HYKK: variants seen among roughly 807,000 people sequenced by gnomAD.
HYKK encodes the protein hydroxylysine kinase, also known as 5-hydroxy-L-lysine kinase.
HYKK carries 19 observed loss-of-function variants against 29.7 expected under a neutral mutation model. That is an observed-to-expected ratio of 0.64 (90% CI 0.45 to 0.94). The LOEUF (loss-of-function observed/expected upper bound fraction) is 0.94. Among genes scored for constraint, HYKK ranks in the 40% least tolerant of loss-of-function variants. The probability of loss-of-function intolerance (pLI) is 0.00; values close to 1 mark genes in which losing one functional copy is unlikely to be tolerated. For synonymous variants in HYKK, 152 were observed against 158.1 expected, an observed-to-expected ratio of 0.96 and a Z score of 0.29; for missense variants, 390 against 443.4, an observed-to-expected ratio of 0.88 and a Z score of 1.08.
rs1276494889 is a variant in HYKK, at chr15:78,534,233, T to C, written c.*563T>C. On this transcript the variant is annotated 3_prime_UTR_variant, in exon 5 of 5. Coordinates refer to ENST00000388988, the MANE Select transcript of HYKK (RefSeq NM_001013619.4). ...AGACCATGTAAAACTTATTTTTGTC[T>C]CCTCAGCCCTTCTTTTTTTTTTTTT... 6.8e-6 allele frequency: 1 copy of C among 147,574 alleles called. No homozygotes were observed. The highest frequency in any genetic ancestry group is 1.5e-5 in the Non-Finnish European group (1 of 67,270). 9.1% of individuals were successfully genotyped at this position (147,574 alleles called of 1,614,324 possible). A position where few individuals can be genotyped will look rare whatever the true frequency, so the allele number is the denominator to read the frequency against.
At chr15:78,522,422 G>A (rs1466134744) in intron 3 of HYKK, among the ~76,000 whole-genome samples, 2 of 151,794 alleles carry the variant, frequency 1.3e-5, no homozygotes, top group African/African-American at 4.8e-5. Context: ...AGCTGGGTGT[G>A]GTGGTGTGTG....
chr15:78,517,109 C>CTTTTTTTTTTTT (rs34680285), intron 3 of HYKK, among the ~76,000 whole-genome samples: 6 of 108,404 alleles, frequency 5.5e-5, no homozygotes, highest in East Asian at 2.4e-4. Flanking sequence ...TTCTTTCTTT[C>CTTTTTTTTTTTT]TTTTTTTTTT....
intron 3 of HYKK, among the ~76,000 whole-genome samples, chr15:78,524,276 T>G (rs2052227010): frequency 6.6e-6 from 1 of 152,254 alleles, no homozygotes; most frequent in Non-Finnish European, 1.5e-5. Context: ...ACCCACATGC[T>G]TAACACCACT....
intron 3 of HYKK, among the ~76,000 whole-genome samples, chr15:78,522,853 TG>T (rs1309347006): frequency 6.6e-6 from 1 of 151,340 alleles, no homozygotes; most frequent in Non-Finnish European, 1.5e-5. Context: ...GACTCCAGCC[TG>T]GGCAACAGAG....
At chr15:78,509,673 A>G (rs867239063) in intron 1 of HYKK, among the ~76,000 whole-genome samples, 4 of 152,336 alleles carry the variant, frequency 2.6e-5, no homozygotes, top group Middle Eastern at 3.4e-3. Flanking sequence ...TACTTACCTT[A>G]TACCAGTTTA....
chr15:78,530,057 A>T (rs760881060), intron 4 of HYKK, among the ~76,000 whole-genome samples: 2 of 151,944 alleles, frequency 1.3e-5, no homozygotes, highest in Non-Finnish European at 2.9e-5. Context: ...ACTGGCCTCA[A>T]ACTCCTGGGC....
intron 3 of HYKK, among the ~76,000 whole-genome samples, chr15:78,518,429 C>T (rs1434204013): frequency 6.6e-6 from 1 of 152,318 alleles, no homozygotes; most frequent in East Asian, 1.9e-4. Context: ...CCCACCTTGG[C>T]TTCCCAAAGT....
At chr15:78,523,649 T>C (rs2052220634) in intron 3 of HYKK, among the ~76,000 whole-genome samples, 1 of 152,212 alleles carries the variant, frequency 6.6e-6, no homozygotes, top group Admixed American at 6.5e-5. Flanking sequence ...AAGTCTCACC[T>C]GAGACAAGAC....
chr15:78,507,737 C>T (rs2052027790), intron 1 of HYKK, 66 bp downstream of exon 1: 1 of 152,360 alleles, frequency 6.6e-6, no homozygotes, highest in Non-Finnish European at 1.5e-5. Flanking sequence ...GGGTCGCCCC[C>T]GAGGGCAGGG....
intron 1 of HYKK, among the ~76,000 whole-genome samples, chr15:78,512,564 G>C (rs145748632): frequency 1.3e-5 from 2 of 151,784 alleles, no homozygotes; most frequent in East Asian, 3.9e-4. Context: ...ACCACGCCCA[G>C]CCAATTTTTG....
At chr15:78,509,071 C>T (rs781515840) in intron 1 of HYKK, among the ~76,000 whole-genome samples, 1 of 151,874 alleles carries the variant, frequency 6.6e-6, no homozygotes, top group Non-Finnish European at 1.5e-5. Context: ...AATTCCCCTC[C>T]ATACAAAGGA....
chr15:78,525,890 A>G (rs950804632), intron 3 of HYKK, among the ~76,000 whole-genome samples: 1 of 152,236 alleles, frequency 6.6e-6, no homozygotes, highest in African/African-American at 2.4e-5. Flanking sequence ...GTGTGCCTGT[A>G]TACTGGGGTT....
chr15:78,522,144 T>C (rs2141359527), intron 3 of HYKK, among the ~76,000 whole-genome samples: 1 of 152,208 alleles, frequency 6.6e-6, no homozygotes, highest in South Asian at 2.1e-4. Context: ...ATAATAAATA[T>C]GCACAGTTAA....
In HYKK at chr15:78,527,413, C is replaced by T. The variant is rs761538363; in HGVS notation, c.511C>T (p.Arg171Trp). ...FHHPKLSSLH[R>W]ENFIWNLKNV... ...TCACCCAAAGTTAAGTAGTCTTCAT[C>T]GGGAGAACTTCATCTGGAATCTGAA... is the stretch of plus-strand genomic sequence containing the variant. Residue 171 changes from arginine to tryptophan, a missense_variant, in exon 4 of 5, where the codon CGG (arginine) becomes TGG (tryptophan). By Grantham distance (101) the Arg-to-Trp change is moderately radical. Transcript: ENST00000388988. 5.0e-6 allele frequency: 8 copies of T among 1,613,792 alleles called. No individual in the cohort carries two copies. Among genetic ancestry groups the T allele is most frequent in the South Asian group, 4.4e-5 (4 of 91,072 alleles).
chr15:78,528,454 A>G (rs1160809980), intron 4 of HYKK: 2 of 985,280 alleles, frequency 2.0e-6, no homozygotes, highest in Admixed American at 6.1e-5. Context: ...GTGTTTCTCT[A>G]GGCTATATTT....
chr15:78,531,561 T>G (rs897467817), intron 4 of HYKK, among the ~76,000 whole-genome samples: 5 of 152,196 alleles, frequency 3.3e-5, no homozygotes, highest in African/African-American at 1.2e-4. Context: ...AGATAGAGTC[T>G]CGCTCTGTTG....
Position 78,513,379 on chromosome 15 carries a change from T to C in HYKK, c.291T>C (p.Ser97=). 6.2e-7 allele frequency: 1 copy of C among 1,614,168 alleles called. No individual in the cohort carries two copies. The highest frequency in any genetic ancestry group is 8.5e-7 in the Non-Finnish European group (1 of 1,180,028). Residue 97 remains serine (S), a synonymous_variant, in exon 2 of 5, where the codon TCT becomes TCC. Coordinates refer to ENST00000388988, the MANE Select transcript of HYKK (RefSeq NM_001013619.4). The part of the protein sequence containing the change: ...FLKAAGFPTA[S]VCHTKGDNTA... Reference sequence around the variant, plus strand: ...AAGCCGCTGGATTTCCAACAGCCTCTGTGTGTCACACTAAAGGAGACAACA... The same window carrying C: ...AAGCCGCTGGATTTCCAACAGCCTCCGTGTGTCACACTAAAGGAGACAACA...
chr15:78,520,162 A>G (rs1280329350), intron 3 of HYKK, among the ~76,000 whole-genome samples: 1 of 152,196 alleles, frequency 6.6e-6, no homozygotes, highest in Non-Finnish European at 1.5e-5. Context: ...ATCATGCATT[A>G]TTCCTGTTGC....
At chr15:78,532,136 A>C (rs2141365215) in intron 4 of HYKK, among the ~76,000 whole-genome samples, 1 of 152,320 alleles carries the variant, frequency 6.6e-6, no homozygotes, top group Admixed American at 6.5e-5. Context: ...TATCTATGGT[A>C]AAAGACAAGT....
Sources: allele counts gnomAD v4.1 joint callset (sites outside exome capture counted in the v4.1 genomes callset), GRCh38; gene constraint gnomAD v4.1.1; transcripts MANE v1.5; gene names NCBI Gene and HGNC (gene_info 2026-07-23, HGNC 2026-07-21).